The following ACSM4 variants were observed in gnomAD, a reference collection of about 807,000 sequenced individuals.
The protein encoded by ACSM4 is acyl-CoA synthetase medium chain family member 4, also known as acyl-coenzyme A synthetase ACSM4, mitochondrial.
Under a neutral mutation model 73.0 loss-of-function variants are expected in ACSM4, and 66 were observed. That is an observed-to-expected ratio of 0.90 (90% CI 0.74 to 1.11). The LOEUF (loss-of-function observed/expected upper bound fraction) is 1.11, where lower values mean the gene tolerates loss of function less well. ACSM4 is among the 50% of genes least tolerant of loss of function. The probability of loss-of-function intolerance (pLI) is 0.00; values close to 1 mark genes in which losing one functional copy is unlikely to be tolerated. For missense variants in ACSM4, 645 were observed against 714.4 expected (o/e 0.90, Z 1.11); for synonymous variants, 222 against 254.0 (o/e 0.87, Z 1.20).
chr12:7,314,550 ATAGG>A (rs1244480490), intron 3 of ACSM4, among the ~76,000 whole-genome samples: 1 of 152,078 alleles, frequency 6.6e-6, no homozygotes, highest in Non-Finnish European at 1.5e-5. Flanking sequence ...AGGTAGGTAG[ATAGG>A]TAGATAGGTG....
At chr12:7,305,842 G>A (rs956110913) in intron 1 of ACSM4, among the ~76,000 whole-genome samples, 7 of 152,206 alleles carry the variant, frequency 4.6e-5, no homozygotes, top group Admixed American at 4.6e-4. Flanking sequence ...GGGGAAAGAA[G>A]GGAGAGTAAT....
Position 7,324,332 on chromosome 12 carries a change from A to C in ACSM4, c.1368A>C (p.Arg456Ser). Residue 456 changes from arginine to serine, a missense_variant, in exon 10 of 13, where the codon AGA (arginine) becomes AGC (serine). Physicochemically the swap from Arg to Ser is moderately radical, Grantham distance 110. Coordinates refer to ENST00000399422, the MANE Select transcript of ACSM4 (RefSeq NM_001080454.2). ...GAGATTTTTATGTCACTGGAGACAG[A>C]GGAGTGATGGACAGTGATGGGTATT... ...IRGDFYVTGD[R>S]GVMDSDGYFW... 1 of 1,614,040 alleles carries C rather than the reference A, an allele frequency of 6.2e-7. No individual in the cohort carries two copies. Among genetic ancestry groups the C allele is most frequent in the Non-Finnish European group, 8.5e-7 (1 of 1,179,918 alleles).
chr12:7,308,684 G>T (rs375911417), intron 2 of ACSM4, among the ~76,000 whole-genome samples: 2 of 152,050 alleles, frequency 1.3e-5, no homozygotes, highest in African/African-American at 2.4e-5. Flanking sequence ...TATATTGAGC[G>T]AATACTCTAA....
In ACSM4 at chr12:7,306,640, C is replaced by G. The variant is rs1054724541; in HGVS notation, c.309C>G (p.Asn103Lys). 5.0e-6 allele frequency: 8 copies of G among 1,608,398 alleles called. No individual in the cohort carries two copies. Among genetic ancestry groups the G allele is most frequent in the Non-Finnish European group, 6.8e-6 (8 of 1,177,498 alleles). Residue 103 changes from asparagine to lysine, a missense_variant, in exon 2 of 13, where the codon AAC becomes AAG. By Grantham distance (94) the Asn-to-Lys change is moderately conservative. Transcript: ENST00000399422. ...GCTCCTTGTCCCGAAAAGCTGCCAA[C>G]GTGCTCACCAAGCCCTGTGGCCTGC... ...ELGSLSRKAA[N>K]VLTKPCGLQR...
At chr12:7,306,131 T>C (rs772943173) in intron 1 of ACSM4, among the ~76,000 whole-genome samples, 2 of 152,174 alleles carry the variant, frequency 1.3e-5, no homozygotes, top group Non-Finnish European at 2.9e-5. Context: ...GCTCACAAAA[T>C]TGGGCTGGAA....
Position 7,318,115 on chromosome 12 carries a change from C to T in ACSM4, c.854C>T (p.Ser285Phe). 6.2e-7 allele frequency: 1 copy of T among 1,613,834 alleles called. No individual in the cohort carries two copies. Among genetic ancestry groups the T allele is most frequent in the Non-Finnish European group, 8.5e-7 (1 of 1,179,846 alleles). Residue 285 changes from serine (S) to phenylalanine (F), a missense_variant, in exon 5 of 13, where the codon TCC becomes TTC. Coordinates refer to ENST00000399422, the MANE Select transcript of ACSM4 (RefSeq NM_001080454.2). ...VKAAIGSVFS[S>F]WLCGACVFVH... ...GCCGCCATTGGCAGTGTGTTTTCTT[C>T]CTGGCTGTGTGGAGCCTGTGTTTTT...
chr12:7,306,723 A>G lies in ACSM4; in HGVS notation c.392A>G (p.Asn131Ser), dbSNP rs929888491. 3.7e-6 allele frequency: 6 copies of G among 1,610,588 alleles called. No individual in the cohort carries two copies. Among genetic ancestry groups the G allele is most frequent in the Non-Finnish European group, 5.1e-6 (6 of 1,178,568 alleles). ...AGAATCCCTGAGTGGTGGCTGGTCA[A>G]TGTAGCTTGCATACGAACAGGTCAG... ...LPRIPEWWLV[N>S]VACIRTGIIF... The change falls in exon 2 of 13, where the codon AAT becomes AGT. Residue 131 changes from asparagine to serine, a missense_variant. Transcript: ENST00000399422.
chr12:7,310,370 G>A (rs1946383383), intron 2 of ACSM4, among the ~76,000 whole-genome samples, 169 bp from the exon 3 acceptor site: 1 of 152,146 alleles, frequency 6.6e-6, no homozygotes, highest in South Asian at 2.1e-4. Context: ...GTGCTCCAAG[G>A]GATCTCTCAG....
chr12:7,321,751 A>G (rs1201373157), intron 6 of ACSM4, among the ~76,000 whole-genome samples: 1 of 152,248 alleles, frequency 6.6e-6, no homozygotes, highest in Non-Finnish European at 1.5e-5. Flanking sequence ...TCCAAAGTCA[A>G]ACAGGCAGGG....
chr12:7,312,704 C>G (rs1029287054), intron 3 of ACSM4, among the ~76,000 whole-genome samples: 2 of 152,118 alleles, frequency 1.3e-5, no homozygotes, highest in Non-Finnish European at 2.9e-5. Flanking sequence ...ATAGTATCTA[C>G]CTCATGGGGT....
At chr12:7,309,958 AT>A (rs1461026083) in intron 2 of ACSM4, among the ~76,000 whole-genome samples, 2 of 151,996 alleles carry the variant, frequency 1.3e-5, no homozygotes, top group African/African-American at 4.8e-5. Flanking sequence ...TAATTTTTGT[AT>A]TTTTAGTACA....
chr12:7,315,469 G>T (rs769491702), intron 3 of ACSM4, among the ~76,000 whole-genome samples: 1 of 151,824 alleles, frequency 6.6e-6, no homozygotes, highest in South Asian at 2.1e-4. Context: ...AAATTAGCCG[G>T]GTGTCGTGGT....
chr12:7,306,002 C>T (rs1946359590), intron 1 of ACSM4, among the ~76,000 whole-genome samples: 1 of 152,164 alleles, frequency 6.6e-6, no homozygotes, highest in Non-Finnish European at 1.5e-5. Context: ...CACACCTCAG[C>T]CTTAGGGTAC....
In ACSM4 at chr12:7,324,791, T is replaced by C. The variant is rs936923616; in HGVS notation, c.1536+193T>C. Among the ~76,000 whole-genome samples, 9 of 151,886 alleles carry C rather than the reference T, an allele frequency of 5.9e-5. No homozygotes were observed. The South Asian group carries it at 1.9e-3, about 32-fold the overall frequency. ...CAAAGGGGTGGTATTAGAATTCTTT[T>C]GATGGCAAGTGGCAGAAACACAATT... On this transcript the variant is annotated intron_variant, in intron 11 of 12. Coordinates refer to ENST00000399422, the MANE Select transcript of ACSM4 (RefSeq NM_001080454.2).
Position 7,322,475 on chromosome 12 carries a change from A to C in ACSM4, c.1059A>C (p.Glu353Asp). 1 of 1,613,906 alleles carries C rather than the reference A, an allele frequency of 6.2e-7. No individual in the cohort carries two copies. The highest frequency in any genetic ancestry group is 8.5e-7 in the Non-Finnish European group (1 of 1,179,840). The change falls in exon 7 of 13, where the codon GAA becomes GAC. Residue 353 changes from glutamate (E) to aspartate (D), a missense_variant. Glu to Asp is a conservative substitution (Grantham distance 45, BLOSUM62 2). Transcript: ENST00000399422. The part of the protein sequence containing the change: ...CLTGGEPLNP[E>D]VLEQWRVQTG... ...CCGGAGGGGAGCCACTCAACCCAGA[A>C]GTGCTGGAGCAGTGGAGGGTGCAAA... is the stretch of plus-strand genomic sequence containing the variant.
rs199910420 is a variant in ACSM4 at position 7,322,589 on chromosome 12, C to T, written c.1125+48C>T. The T allele has an allele frequency of 3.9e-6, 6 of 1,553,826 alleles. No homozygotes were observed. In the South Asian group the frequency reaches 6.2e-5, roughly 16 times the overall value. On this transcript the variant is annotated intron_variant, in intron 7 of 12. Coordinates refer to ENST00000399422, the MANE Select transcript of ACSM4 (RefSeq NM_001080454.2). ...TTTAGTATATGTGGGGGCCTTTCTGCCCCAGGTTTTTCAACTGAGCCCCTG... is the reference window on the plus strand; with the variant it reads ...TTTAGTATATGTGGGGGCCTTTCTGTCCCAGGTTTTTCAACTGAGCCCCTG...
intron 2 of ACSM4, 72 bp from the exon 3 acceptor site, chr12:7,310,467 C>A: frequency 7.0e-7 from 1 of 1,427,080 alleles, no homozygotes; most frequent in Non-Finnish European, 9.5e-7. Context: ...TTCTCCTCAC[C>A]GAGGCACAAA....
intron 6 of ACSM4, 111 bp downstream of exon 6, chr12:7,320,915 C>A: frequency 1.1e-6 from 1 of 945,010 alleles, no homozygotes; most frequent in Non-Finnish European, 1.7e-6. Flanking sequence ...CTTACCACCA[C>A]TGACATTTTG....
At chr12:7,314,558 A>C (rs774456971) in intron 3 of ACSM4, among the ~76,000 whole-genome samples, 2 of 152,292 alleles carry the variant, frequency 1.3e-5, no homozygotes, top group South Asian at 2.1e-4. Flanking sequence ...AGATAGGTAG[A>C]TAGGTGGATG....
Sources: gnomAD v4.1 joint callset for allele counts (sites outside exome capture counted in the v4.1 genomes callset) on GRCh38, gnomAD v4.1.1 for gene constraint, MANE v1.5 for transcripts, NCBI Gene and HGNC (gene_info 2026-07-23, HGNC 2026-07-21) for gene names.